CBLN2: variants seen among roughly 807,000 people sequenced by gnomAD.
The protein encoded by CBLN2 is cerebellin-2.
Under a neutral mutation model 15.0 loss-of-function variants are expected in CBLN2, and 7 were observed. The ratio of observed to expected loss-of-function variants is 0.47; its 90% CI spans 0.27 to 0.88. The LOEUF is 0.88. CBLN2 is among the 40% of genes least tolerant of loss of function. The pLI is 0.14. For synonymous variants in CBLN2, 149 were observed against 135.2 expected, an observed-to-expected ratio of 1.10 and a Z score of -0.71; for missense variants, 242 against 304.5, an observed-to-expected ratio of 0.79 and a Z score of 1.53.
intron 1 of CBLN2, among the ~76,000 whole-genome samples, chr18:72,608,916 G>T (rs2069602407): frequency 6.6e-6 from 1 of 152,130 alleles, no homozygotes; most frequent in Non-Finnish European, 1.5e-5. Flanking sequence ...TTGTGCAGGG[G>T]AACTCCCATT....
chr18:72,553,591 A>T (rs1228581336), intron 1 of CBLN2, among the ~76,000 whole-genome samples: 1 of 152,172 alleles, frequency 6.6e-6, no homozygotes, highest in Non-Finnish European at 1.5e-5. Context: ...TTAAATAAAT[A>T]AGTAGAAAAT....
chr18:72,569,676 G>A (rs1006574173), intron 1 of CBLN2, among the ~76,000 whole-genome samples: 1 of 152,124 alleles, frequency 6.6e-6, no homozygotes, highest in Admixed American at 6.6e-5. Context: ...GAGAGCAAGA[G>A]AGAGAGGGAG....
intron 1 of CBLN2, among the ~76,000 whole-genome samples, chr18:72,615,042 T>A (rs57490547): frequency 7.2e-6 from 1 of 138,526 alleles, no homozygotes; most frequent in Non-Finnish European, 1.5e-5. Flanking sequence ...AGTACATATA[T>A]ATATATATAT....
At chr18:72,619,014 T>C (rs1802492571) in intron 1 of CBLN2, 1 of 761,616 alleles carries the variant, frequency 1.3e-6, no homozygotes, top group African/African-American at 1.7e-5. Context: ...TTGGTAATGA[T>C]GGAAGCAATT....
At chr18:72,595,433 G>A (rs2069507205) in intron 1 of CBLN2, among the ~76,000 whole-genome samples, 1 of 151,984 alleles carries the variant, frequency 6.6e-6, no homozygotes, top group African/African-American at 2.4e-5. Context: ...TTGTTTCGTG[G>A]TCTAATGTAT....
At chr18:72,558,227 T>C (rs2069238838) in intron 1 of CBLN2, among the ~76,000 whole-genome samples, 1 of 152,184 alleles carries the variant, frequency 6.6e-6, no homozygotes, top group Non-Finnish European at 1.5e-5. Context: ...GTTAGGCACA[T>C]GGGGGCTCAG....
chr18:72,546,220 G>A (rs1475118753), upstream of CBLN2, among the ~76,000 whole-genome samples: 4 of 152,232 alleles, frequency 2.6e-5, no homozygotes, highest in South Asian at 2.1e-4. Flanking sequence ...GGCGGATCAC[G>A]AGGTCAGGAG....
At chr18:72,626,111 T>C (rs1162986509) in intron 1 of CBLN2, among the ~76,000 whole-genome samples, 1 of 151,982 alleles carries the variant, frequency 6.6e-6, no homozygotes, top group East Asian at 1.9e-4. Context: ...CATGGCAGCA[T>C]GAAATGACTG....
chr18:72,588,485 C>T (rs1343019423), intron 1 of CBLN2, among the ~76,000 whole-genome samples: 3 of 152,208 alleles, frequency 2.0e-5, no homozygotes, highest in African/African-American at 7.2e-5. Flanking sequence ...AGTTCAAACA[C>T]ATTTTGCATT....
intron 1 of CBLN2, among the ~76,000 whole-genome samples, chr18:72,564,182 T>A (rs552316921): frequency 8.4e-4 from 127 of 152,080 alleles, no homozygotes; most frequent in African/African-American, 2.6e-3. Flanking sequence ...AGAAACACAA[T>A]TCTCCAGTGA....
intron 1 of CBLN2, among the ~76,000 whole-genome samples, chr18:72,571,892 C>T (rs1191613112): frequency 4.6e-5 from 7 of 151,976 alleles, no homozygotes; most frequent in African/African-American, 9.7e-5. Context: ...GTAACATCAT[C>T]GCAAGATATC....
At chr18:72,630,833 C>T (rs1246006085) in intron 1 of CBLN2, among the ~76,000 whole-genome samples, 2 of 152,098 alleles carry the variant, frequency 1.3e-5, no homozygotes, top group Admixed American at 6.6e-5. Context: ...TTTTCCCCTA[C>T]TTTACTCAAA....
At chr18:72,624,887 A>G (rs983346089) in intron 1 of CBLN2, among the ~76,000 whole-genome samples, 4 of 152,234 alleles carry the variant, frequency 2.6e-5, no homozygotes, top group Non-Finnish European at 4.4e-5. Context: ...AAAATTGTCA[A>G]ATACTAAAAG....
At chr18:72,583,908 T>C (rs1167732608) in intron 1 of CBLN2, among the ~76,000 whole-genome samples, 1 of 152,224 alleles carries the variant, frequency 6.6e-6, no homozygotes, top group Non-Finnish European at 1.5e-5. Flanking sequence ...ATTGATCTCA[T>C]GTTCATTAAG....
chr18:72,549,787 C>T (rs912367039), intron 1 of CBLN2, among the ~76,000 whole-genome samples: 1 of 152,040 alleles, frequency 6.6e-6, no homozygotes, highest in African/African-American at 2.4e-5. Flanking sequence ...GGGATTTTAT[C>T]ATCCTGTATA....
At chr18:72,619,305 A>G (rs894059033) in intron 1 of CBLN2, 27 of 607,016 alleles carry the variant, frequency 4.4e-5, no homozygotes, top group Non-Finnish European at 7.4e-5. Context: ...AGAATTGTGA[A>G]CTCAGCCAAG....
chr18:72,584,894 C>T (rs2069432091), intron 1 of CBLN2, among the ~76,000 whole-genome samples: 1 of 152,198 alleles, frequency 6.6e-6, no homozygotes, highest in Non-Finnish European at 1.5e-5. Flanking sequence ...GCAGGCTGTG[C>T]TCAGCTGATA....
At position 72,543,555 on chromosome 18, in the gene CBLN2, G is replaced by A. The variant is rs939590704; in HGVS notation, c.-211-25C>T. 7.5e-6 allele frequency: 3 copies of A among 397,678 alleles called. No homozygotes were observed. The highest frequency in any genetic ancestry group is 8.9e-6 in the Non-Finnish European group (2 of 225,602). 24.6% of individuals were successfully genotyped at this position (397,678 alleles called of 1,614,324 possible). On this transcript the variant is annotated intron_variant, in intron 1 of 4. Coordinates refer to ENST00000269503, the MANE Select transcript of CBLN2 (RefSeq NM_182511.4). The surrounding 1 kb of genome is among the most constrained non-coding windows in gnomAD (Gnocchi z 6.8). The stretch of plus-strand genomic sequence containing the variant: ...TCTGCTTAGAGAAAATGAGGCGAGT[G>A]GGAGCTGTCGGGAGGAGGACACGGA...
intron 1 of CBLN2, among the ~76,000 whole-genome samples, chr18:72,582,195 T>C (rs1304050675): frequency 6.6e-6 from 1 of 152,216 alleles, no homozygotes; most frequent in Non-Finnish European, 1.5e-5. Context: ...AAGAGTGCTT[T>C]GGCTATTTTT....
Sources: allele counts gnomAD v4.1 joint callset (sites outside exome capture counted in the v4.1 genomes callset), GRCh38; gene constraint gnomAD v4.1.1; non-coding constraint Gnocchi (gnomAD v3.1); transcripts MANE v1.5; gene names NCBI Gene and HGNC (gene_info 2026-07-23, HGNC 2026-07-21).